The following STX8 variants were observed in gnomAD, a reference collection of about 807,000 sequenced individuals.
STX8 encodes the protein syntaxin 8, also known as syntaxin-8.
STX8 carries 23 observed loss-of-function variants against 37.5 expected under a neutral mutation model. The observed-to-expected ratio is 0.61, with a 90% CI of 0.44 to 0.87. The LOEUF (loss-of-function observed/expected upper bound fraction) is 0.87, where lower values mean the gene tolerates loss of function less well. Ranked by LOEUF, STX8 falls within the 40% of genes least tolerant of loss-of-function variation. STX8 has a pLI of 0.00. For missense variants in STX8, 313 were observed against 284.7 expected (o/e 1.10, Z -0.71); for synonymous variants, 115 against 99.1 (o/e 1.16, Z -0.95).
intron 7 of STX8, among the ~76,000 whole-genome samples, chr17:9,358,809 G>T (rs1353629103): frequency 2.6e-5 from 4 of 152,304 alleles, no homozygotes; most frequent in African/African-American, 9.6e-5. Context: ...GAGAAAACAG[G>T]AAAGGAGAGA....
chr17:9,467,601 GA>G (rs1849822729), intron 6 of STX8, among the ~76,000 whole-genome samples: 1 of 152,200 alleles, frequency 6.6e-6, no homozygotes, highest in African/African-American at 2.4e-5. Flanking sequence ...AGGAAACAGG[GA>G]AGAAAAGAAC....
intron 4 of STX8, among the ~76,000 whole-genome samples, chr17:9,508,161 A>C (rs1362345338): frequency 6.6e-6 from 1 of 152,192 alleles, no homozygotes; most frequent in East Asian, 1.9e-4. Context: ...GAGCTAGACA[A>C]TTTGATGAAA....
intron 6 of STX8, among the ~76,000 whole-genome samples, chr17:9,415,108 C>A (rs1913138879): frequency 6.6e-6 from 1 of 151,992 alleles, no homozygotes. Context: ...GTTCTGCATT[C>A]CACCCCATCC....
rs964601380 is a variant in STX8 at position 9,545,071 on chromosome 17, ATT to A, written c.323+99_323+100del. The stretch of plus-strand genomic sequence containing the variant: ...CAAACACCATAAATGAATAGAATAG[ATT>A]TTGATTAATTCCTAAAGTAAGCCAT... On this transcript the variant is annotated intron_variant, in intron 4 of 7. Transcript: ENST00000306357. 3 of 700,760 alleles carry A rather than the reference ATT, an allele frequency of 4.3e-6. No individual in the cohort carries two copies. The African/African-American group carries it at 5.4e-5, about 13-fold the overall frequency. 43.4% of individuals were successfully genotyped at this position (700,760 alleles called of 1,614,324 possible). A position where few individuals can be genotyped will look rare whatever the true frequency, so the allele number is the denominator to read the frequency against.
rs572963163 is a variant in STX8 at position 9,378,179 on chromosome 17, G to A, written c.643+373C>T. On this transcript the variant is annotated intron_variant, in intron 7 of 7. Coordinates refer to ENST00000306357, the MANE Select transcript of STX8 (RefSeq NM_004853.3). ...GACAAAGATACCATCACTAAACATA[G>A]GATTTGAACTCAATTAAGCTTGTGG... 24 of 171,464 alleles carry A rather than the reference G, an allele frequency of 1.4e-4. No individual in the cohort carries two copies. In the South Asian group the frequency reaches 3.4e-3, roughly 24 times the overall value. The allele number at this position is 171,464 out of a possible 1,614,324, so 10.6% of individuals were successfully genotyped here. A position where few individuals can be genotyped will look rare whatever the true frequency, so the allele number is the denominator to read the frequency against.
At chr17:9,274,345 C>T (rs1407549094) in intron 7 of STX8, among the ~76,000 whole-genome samples, 1 of 152,068 alleles carries the variant, frequency 6.6e-6, no homozygotes, top group Non-Finnish European at 1.5e-5. Flanking sequence ...AACCCAAATT[C>T]ACGAGTGATA....
chr17:9,417,165 T>C (rs919628781), intron 6 of STX8, among the ~76,000 whole-genome samples: 4 of 152,182 alleles, frequency 2.6e-5, no homozygotes, highest in Non-Finnish European at 5.9e-5. Flanking sequence ...AATCAACTTC[T>C]GTCCTTCTGC....
At position 9,264,419 on chromosome 17, in the gene STX8, G is replaced by A. The variant is rs149991764; in HGVS notation, c.644-13774C>T. ...TTCTGAGCTCAAGTGATCCCCCCAC[G>A]TCAGCCTCCTGAGAAGATGGGACCA... On this transcript the variant is annotated intron_variant, in intron 7 of 7. Transcript: ENST00000306357. Among the ~76,000 whole-genome samples the A allele has an allele frequency of 1.2e-4, 18 of 152,238 alleles. No individual in the cohort carries two copies. In the East Asian group the frequency reaches 2.5e-3, roughly 21 times the overall value.
At chr17:9,384,972 T>G (rs992301495) in intron 6 of STX8, among the ~76,000 whole-genome samples, 2 of 150,476 alleles carry the variant, frequency 1.3e-5, no homozygotes, top group African/African-American at 2.4e-5. Flanking sequence ...TTGTGATGGT[T>G]CATAGACTTA....
chr17:9,492,584 C>T (rs931196555), intron 5 of STX8, among the ~76,000 whole-genome samples: 1 of 152,156 alleles, frequency 6.6e-6, no homozygotes, highest in African/African-American at 2.4e-5. Flanking sequence ...TTCCCTGAAA[C>T]ATTTGTTTCT....
At chr17:9,518,329 C>T (rs1309017327) in intron 4 of STX8, among the ~76,000 whole-genome samples, 1 of 149,352 alleles carries the variant, frequency 6.7e-6, no homozygotes, top group Admixed American at 6.6e-5. Flanking sequence ...TACCAGACCC[C>T]TCTTCCAGGC....
At chr17:9,347,152 A>T (rs1034049401) in intron 7 of STX8, among the ~76,000 whole-genome samples, 1 of 152,130 alleles carries the variant, frequency 6.6e-6, no homozygotes, top group African/African-American at 2.4e-5. Flanking sequence ...AAATAAAAAA[A>T]AAAAAAGAAA....
At chr17:9,497,691 C>A (rs1337506776) in intron 5 of STX8, among the ~76,000 whole-genome samples, 1 of 152,184 alleles carries the variant, frequency 6.6e-6, no homozygotes, top group Non-Finnish European at 1.5e-5. Context: ...CAACTACAGT[C>A]CCTGGATTGA....
In STX8 at chr17:9,560,320, C is replaced by G. The variant is rs912759239; in HGVS notation, c.118-2792G>C. Reference sequence around the variant, plus strand: ...GGCTGAGGCAGGAGAATGGCTTGAACCCAGGAAGCGGAGGTTGCAGTGAGC... The same window carrying G: ...GGCTGAGGCAGGAGAATGGCTTGAAGCCAGGAAGCGGAGGTTGCAGTGAGC... On this transcript the variant is annotated intron_variant, in intron 2 of 7. Transcript: ENST00000306357. Among the ~76,000 whole-genome samples, 38 of 149,256 alleles carry G rather than the reference C, an allele frequency of 2.5e-4. No individual in the cohort carries two copies. In the East Asian group the frequency reaches 6.3e-3, roughly 25 times the overall value.
chr17:9,364,641 C>G (rs955175099), intron 7 of STX8, among the ~76,000 whole-genome samples: 2 of 152,082 alleles, frequency 1.3e-5, no homozygotes, highest in Admixed American at 1.3e-4. Flanking sequence ...AGCGATTCTC[C>G]TGCCTCAGCC....
At chr17:9,283,136 C>G (rs1907949963) in intron 7 of STX8, 1 of 152,114 alleles carries the variant, frequency 6.6e-6, no homozygotes, top group South Asian at 2.1e-4. Flanking sequence ...TGTTGTGACC[C>G]TGGTCCAAAT....
chr17:9,562,981 A>C (rs1775164054), intron 2 of STX8, among the ~76,000 whole-genome samples: 1 of 152,210 alleles, frequency 6.6e-6, no homozygotes, highest in African/African-American at 2.4e-5. Flanking sequence ...GAAGCAATTT[A>C]ACTGCCTTTC....
At chr17:9,430,649 CTTT>C (rs34803730) in intron 6 of STX8, among the ~76,000 whole-genome samples, 163 of 120,882 alleles carry the variant, frequency 1.3e-3, no homozygotes, top group Non-Finnish European at 2.0e-3. Context: ...GTGGTTTTGG[CTTT>C]TTTTTTTTTT....
At chr17:9,543,275 GC>G (rs1428076862) in intron 4 of STX8, among the ~76,000 whole-genome samples, 1 of 144,562 alleles carries the variant, frequency 6.9e-6, no homozygotes, top group African/African-American at 2.6e-5. Flanking sequence ...TCAGTGTAAA[GC>G]CCCTTCTAGA....
Sources: allele counts gnomAD v4.1 joint callset (sites outside exome capture counted in the v4.1 genomes callset), GRCh38; gene constraint gnomAD v4.1.1; transcripts MANE v1.5; gene names NCBI Gene and HGNC (gene_info 2026-07-23, HGNC 2026-07-21).